RYR3: variants seen among roughly 807,000 people sequenced by gnomAD.
RYR3 encodes ryanodine receptor 3.
Under a neutral mutation model 584.3 loss-of-function variants are expected in RYR3, and 207 were observed. That is an observed-to-expected ratio of 0.35 (90% CI 0.32 to 0.40). The LOEUF (loss-of-function observed/expected upper bound fraction) is 0.40, where lower values mean the gene tolerates loss of function less well. Among genes scored for constraint, RYR3 ranks in the 10% least tolerant of loss-of-function variants. RYR3 has a pLI of 1.00. For synonymous variants in RYR3, 2,416 were observed against 2,248.5 expected, an observed-to-expected ratio of 1.07 and a Z score of -2.11; for missense variants, 5,616 against 6,089.2, an observed-to-expected ratio of 0.92 and a Z score of 2.59.
chr15:33,765,819 TAA>T (rs1201217293), intron 60 of RYR3, among the ~76,000 whole-genome samples: 1 of 152,168 alleles, frequency 6.6e-6, no homozygotes, highest in African/African-American at 2.4e-5. Flanking sequence ...TTTTTATATA[TAA>T]GAGTTATTGC....
chr15:33,379,687 C>CTCTCTCTCTCTCTCTCTCTA, intron 1 of RYR3, among the ~76,000 whole-genome samples: 2 of 125,520 alleles, frequency 1.6e-5, no homozygotes, highest in African/African-American at 7.1e-5. Context: ...CTCTCTCTCT[C>CTCTCTCTCTCTCTCTCTCTA]TATATATATA....
chr15:33,544,739 A>T (rs1049545929), intron 8 of RYR3, among the ~76,000 whole-genome samples: 18 of 152,168 alleles, frequency 1.2e-4, no homozygotes, highest in South Asian at 2.1e-4. Context: ...CTTGCTATCT[A>T]CTCTGAATAC....
rs911752965 is a variant in RYR3, at chr15:33,390,987, C to G, written c.51+79891C>G. Among the ~76,000 whole-genome samples the G allele has an allele frequency of 7.9e-5, 12 of 152,298 alleles. No homozygotes were observed. Among genetic ancestry groups the G allele is most frequent in the African/African-American group, 2.9e-4 (12 of 41,568 alleles). On this transcript the variant is annotated intron_variant, in intron 1 of 103. Transcript: ENST00000634891. The surrounding 1 kb of genome is among the most constrained non-coding windows in gnomAD (Gnocchi z 4.2). Reference sequence around the variant, plus strand: ...TTCCCTTATGATCCAGCTGTGTATTCTTACTATGTGGCTATAATAAACTCC... The same window carrying G: ...TTCCCTTATGATCCAGCTGTGTATTGTTACTATGTGGCTATAATAAACTCC...
chr15:33,463,574 G>T (rs1182919718), intron 1 of RYR3, among the ~76,000 whole-genome samples: 1 of 151,678 alleles, frequency 6.6e-6, no homozygotes, highest in East Asian at 2.0e-4. Context: ...TAGGTAATAG[G>T]TCACTGCATT....
chr15:33,857,175 A>G (rs1355489305), intron 98 of RYR3, among the ~76,000 whole-genome samples: 1 of 152,126 alleles, frequency 6.6e-6, no homozygotes, highest in Non-Finnish European at 1.5e-5. Context: ...ACAGACTGCT[A>G]TTTTGTTAAA....
chr15:33,617,874 G>A (rs898410161), intron 19 of RYR3, among the ~76,000 whole-genome samples: 21 of 152,134 alleles, frequency 1.4e-4, no homozygotes, highest in African/African-American at 4.8e-4. Flanking sequence ...CAATGTCATA[G>A]CCTCTTTTCT....
intron 2 of RYR3, among the ~76,000 whole-genome samples, chr15:33,476,321 G>A (rs1374317387): frequency 6.6e-6 from 1 of 152,222 alleles, no homozygotes; most frequent in Non-Finnish European, 1.5e-5. Flanking sequence ...ATGAGGAAAT[G>A]TCTTTCCTAA....
intron 2 of RYR3, among the ~76,000 whole-genome samples, chr15:33,492,293 G>A (rs2051028671): frequency 6.6e-6 from 1 of 152,158 alleles, no homozygotes; most frequent in African/African-American, 2.4e-5. Flanking sequence ...TCTCTGTGGA[G>A]AGATACAAGA....
At chr15:33,801,024 T>C (rs1230994453) in intron 68 of RYR3, among the ~76,000 whole-genome samples, 167 bp downstream of exon 68, 1 of 152,206 alleles carries the variant, frequency 6.6e-6, no homozygotes, top group Admixed American at 6.5e-5. Flanking sequence ...TGAGAACATG[T>C]GCCCAAGGTG....
intron 19 of RYR3, among the ~76,000 whole-genome samples, chr15:33,618,559 G>T (rs1396928707): frequency 6.6e-6 from 1 of 152,200 alleles, no homozygotes; most frequent in Non-Finnish European, 1.5e-5. Flanking sequence ...AGCGATAGGG[G>T]CTAAAGATGC....
chr15:33,657,367 T>C (rs1596007313), intron 32 of RYR3, among the ~76,000 whole-genome samples: 1 of 152,190 alleles, frequency 6.6e-6, no homozygotes, highest in Non-Finnish European at 1.5e-5. Flanking sequence ...CTGAATGCAT[T>C]TCTCTCTCCC....
intron 96 of RYR3, 105 bp downstream of exon 96, chr15:33,853,787 G>GTC (rs761755960): frequency 4.9e-6 from 7 of 1,441,872 alleles, no homozygotes; most frequent in Non-Finnish European, 5.6e-6. Context: ...TCAGGCTGTG[G>GTC]TCTGGCTTAG....
chr15:33,462,075 T>C (rs1441643011), intron 1 of RYR3, among the ~76,000 whole-genome samples: 5 of 152,244 alleles, frequency 3.3e-5, no homozygotes, highest in African/African-American at 1.2e-4. Flanking sequence ...AGGCCTTATA[T>C]GTTCCATTAA....
chr15:33,387,844 G>T (rs926842006), intron 1 of RYR3, among the ~76,000 whole-genome samples: 1 of 151,786 alleles, frequency 6.6e-6, no homozygotes, highest in Admixed American at 6.6e-5. Context: ...TTTTGAGGCA[G>T]GTATAATAGA....
At chr15:33,645,163 C>G (rs1389427919) in intron 28 of RYR3, among the ~76,000 whole-genome samples, 1 of 152,170 alleles carries the variant, frequency 6.6e-6, no homozygotes, top group Non-Finnish European at 1.5e-5. Flanking sequence ...GGATTTTAAG[C>G]TGACGTCTGA....
intron 16 of RYR3, among the ~76,000 whole-genome samples, chr15:33,590,207 G>A (rs573193894): frequency 7.4e-4 from 113 of 152,248 alleles, no homozygotes; most frequent in African/African-American, 2.4e-3. Flanking sequence ...GAATGTCATC[G>A]GTTAAGGCAG....
At chr15:33,865,083 CTTTTACTGTGGT>C (rs773736266) in intron 103 of RYR3, 36 bp from the exon 104 acceptor site, 1 of 1,483,834 alleles carries the variant, frequency 6.7e-7, no homozygotes, top group East Asian at 2.3e-5. Context: ...TGGGTTTTAG[CTTTTACTGTGGT>C]TTAAAAATAA....
intron 41 of RYR3, among the ~76,000 whole-genome samples, chr15:33,700,668 G>A (rs914916331): frequency 3.9e-5 from 6 of 152,138 alleles, no homozygotes; most frequent in African/African-American, 1.2e-4. Flanking sequence ...TTAGTTGGTC[G>A]AGTGGCATCT....
chr15:33,515,479 T>C (rs561703984), intron 3 of RYR3, among the ~76,000 whole-genome samples: 52 of 152,388 alleles, frequency 3.4e-4, no homozygotes, highest in African/African-American at 1.1e-3. Flanking sequence ...TAATATAGTC[T>C]CTACCTGTTG....
Sources: allele counts gnomAD v4.1 joint callset (sites outside exome capture counted in the v4.1 genomes callset), GRCh38; gene constraint gnomAD v4.1.1; non-coding constraint Gnocchi (gnomAD v3.1); transcripts MANE v1.5; gene names NCBI Gene and HGNC (gene_info 2026-07-23, HGNC 2026-07-21).